Variants in BAAT observed in about 807,000 individuals in gnomAD.
BAAT encodes the protein bile acid-CoA:amino acid N-acyltransferase.
In BAAT, 13 loss-of-function variants were observed where a neutral mutation model predicts 18.9. The ratio of observed to expected loss-of-function variants is 0.69; its 90% CI spans 0.45 to 1.10. BAAT has a LOEUF of 1.10. BAAT is among the 50% of genes least tolerant of loss of function. BAAT has a pLI of 0.00. For synonymous variants in BAAT, 170 were observed against 190.7 expected (o/e 0.89, Z 0.89); for missense variants, 489 against 504.0 (o/e 0.97, Z 0.28).
At position 101,362,970 on chromosome 9, in the gene BAAT, G is replaced by A. The variant is rs754630331; in HGVS notation, c.715C>T (p.Gln239Ter). Residue 239 changes from glutamine to a stop codon, truncating the protein, a stop_gained, in exon 4 of 4, where the codon CAG (glutamine) becomes TAG (stop). Coordinates refer to ENST00000259407, the MANE Select transcript of BAAT (RefSeq NM_001701.4). LOFTEE classifies it low-confidence loss of function (END_TRUNC). ...TAAATAGCCATAGATAGTCCAATCT[G>A]TACTCCTTGACATACAGAGACTACC... Reference protein sequence around the residue: ...VGVVSVCQGVQIGLSMAIYLK... With the variant: ...VGVVSVCQGV 1 of 1,614,004 alleles carries A rather than the reference G, an allele frequency of 6.2e-7. No individual in the cohort carries two copies. Among genetic ancestry groups the A allele is most frequent in the South Asian group, 1.1e-5 (1 of 91,080 alleles).
intron 1 of BAAT, among the ~76,000 whole-genome samples, chr9:101,374,155 C>T (rs1177568761): frequency 6.6e-6 from 1 of 152,088 alleles, no homozygotes; most frequent in Non-Finnish European, 1.5e-5. Flanking sequence ...ACACTAGACT[C>T]AAGACTACAC....
rs963595661 is a variant in BAAT at position 101,367,189 on chromosome 9, T to C, written c.669+931A>G. 5.9e-5 allele frequency among the ~76,000 whole-genome samples: 9 copies of C among 151,286 alleles called. No homozygotes were observed. In the East Asian group the frequency reaches 1.6e-3, roughly 26 times the overall value. On this transcript the variant is annotated intron_variant, in intron 3 of 3. Transcript: ENST00000259407. ...AACAAGGTTTAATAAACTCCAACTC[T>C]ATCCCATATCATAGTAGCAAAGCAC...
Position 101,362,500 on chromosome 9 carries a change from CT to C in BAAT, c.1184del (p.Gln395ArgfsTer20). 6.2e-7 allele frequency: 1 copy of C among 1,614,080 alleles called. No individual in the cohort carries two copies. ...GGEVIPHAAA[Q>X]EHAWKEIQRF... ...TCTGGATCTCCTTCCAAGCATGTTC[CT>C]GTGCAGCTGCGTGTGGGATCACCTC... On this transcript the variant is annotated frameshift_variant, in exon 4 of 4. Transcript: ENST00000259407. LOFTEE classifies it high-confidence loss of function.
chr9:101,362,730 G>T lies in BAAT; in HGVS notation c.955C>A (p.Gln319Lys). 1 of 1,614,164 alleles carries T rather than the reference G, an allele frequency of 6.2e-7. No homozygotes were observed. Among genetic ancestry groups the T allele is most frequent in the Non-Finnish European group, 8.5e-7 (1 of 1,180,040 alleles). The stretch of plus-strand genomic sequence containing the variant: ...CCTTCTCCTACAATGAAGAGGAATT[G>T]CCCCTGGGCCTCTTCAATAGGAAAC... ...YLFPIEEAQG[Q>K]FLFIVGEGDK... Residue 319 changes from glutamine (Q) to lysine (K), a missense_variant, in exon 4 of 4, where the codon CAA becomes AAA. Coordinates refer to ENST00000259407, the MANE Select transcript of BAAT (RefSeq NM_001701.4).
At chr9:101,365,858 T>C (rs1829816940) in intron 3 of BAAT, among the ~76,000 whole-genome samples, 1 of 152,148 alleles carries the variant, frequency 6.6e-6, no homozygotes, top group South Asian at 2.1e-4. Context: ...AATTGACAAA[T>C]AATAATTATA....
At chr9:101,375,877 C>A in intron 1 of BAAT, 1 of 152,588 alleles carries the variant, frequency 6.6e-6, no homozygotes, top group South Asian at 2.1e-4. Flanking sequence ...ATTTTTCTCA[C>A]TCCGCAAATT....
chr9:101,378,520 A>G (rs548303069), intron 1 of BAAT, among the ~76,000 whole-genome samples: 39 of 152,360 alleles, frequency 2.6e-4, no homozygotes, highest in Non-Finnish European at 2.9e-5. Context: ...AAAACTGGCT[A>G]GCCATATGCA....
intron 2 of BAAT, among the ~76,000 whole-genome samples, chr9:101,370,415 A>C (rs982245469): frequency 2.0e-5 from 3 of 147,976 alleles, no homozygotes; most frequent in African/African-American, 7.6e-5. Flanking sequence ...GAGGCTCAAG[A>C]GATCTTTCCT....
At chr9:101,368,987 T>C (rs1290639929) in intron 2 of BAAT, among the ~76,000 whole-genome samples, 1 of 152,210 alleles carries the variant, frequency 6.6e-6, no homozygotes, top group Non-Finnish European at 1.5e-5. Context: ...TAAGCTTATG[T>C]AAATGATGAG....
intron 3 of BAAT, among the ~76,000 whole-genome samples, chr9:101,363,631 G>T (rs149212687): frequency 3.4e-3 from 502 of 148,682 alleles, no homozygotes; most frequent in African/African-American, 0.012. Context: ...ACTGCCAGAT[G>T]AAGACACAGG....
chr9:101,374,081 G>A (rs1303365344), intron 1 of BAAT, among the ~76,000 whole-genome samples: 1 of 152,076 alleles, frequency 6.6e-6, no homozygotes, highest in African/African-American at 2.4e-5. Flanking sequence ...CTATCAAAAT[G>A]TCTGAAGGAC....
At chr9:101,368,015 G>T in intron 3 of BAAT, 105 bp downstream of exon 3, 2 of 1,206,488 alleles carry the variant, frequency 1.7e-6, no homozygotes, top group African/African-American at 1.5e-5. Context: ...TCATGCCACT[G>T]CACTCCAGCC....
rs776238355 is a variant in BAAT, at chr9:101,370,965, A to T, written c.440T>A (p.Leu147His). Residue 147 changes from leucine to histidine, a missense_variant, in exon 2 of 4, where the codon CTT (leucine) becomes CAT (histidine). Transcript: ENST00000259407. Reference sequence around the variant, plus strand: ...TGGAGGGAGAAAGAGAGCTCCTCGAAGGCGGCCTTCTCGAACCTTAATTCG... The same window carrying T: ...TGGAGGGAGAAAGAGAGCTCCTCGATGGCGGCCTTCTCGAACCTTAATTCG... ...VTRIKVREGR[L>H]RGALFLPPGE... 6.2e-7 allele frequency: 1 copy of T among 1,614,136 alleles called. No individual in the cohort carries two copies. Among genetic ancestry groups the T allele is most frequent in the South Asian group, 1.1e-5 (1 of 91,078 alleles).
chr9:101,362,717 A>G lies in BAAT; in HGVS notation c.968T>C (p.Ile323Thr). 1.2e-6 allele frequency: 2 copies of G among 1,614,176 alleles called. No individual in the cohort carries two copies. ...IEEAQGQFLFIVGEGDKTINS... is the reference protein window; with the variant it reads ...IEEAQGQFLFTVGEGDKTINS... ...GATAGTCTTATCACCTTCTCCTACA[A>G]TGAAGAGGAATTGCCCCTGGGCCTC... The change falls in exon 4 of 4, where the codon ATT (isoleucine) becomes ACT (threonine). Residue 323 changes from isoleucine to threonine, a missense_variant. By Grantham distance (89) the Ile-to-Thr change is moderately conservative. Coordinates refer to ENST00000259407, the MANE Select transcript of BAAT (RefSeq NM_001701.4).
chr9:101,374,847 A>AG, intron 1 of BAAT, among the ~76,000 whole-genome samples: 1 of 152,230 alleles, frequency 6.6e-6, no homozygotes, highest in East Asian at 1.9e-4. Flanking sequence ...ATTTAAAAAA[A>AG]AAAACCTTCA....
intron 1 of BAAT, among the ~76,000 whole-genome samples, chr9:101,379,650 G>A (rs1455913264): frequency 6.6e-6 from 1 of 152,160 alleles, no homozygotes; most frequent in East Asian, 1.9e-4. Flanking sequence ...GTACACCCAT[G>A]ATTAGATTCT....
intron 3 of BAAT, among the ~76,000 whole-genome samples, chr9:101,365,964 A>T (rs1829819342): frequency 6.6e-6 from 1 of 152,200 alleles, no homozygotes; most frequent in South Asian, 2.1e-4. Flanking sequence ...TCACAAACTT[A>T]CCATTTCTTT....
At chr9:101,363,127 T>A in intron 3 of BAAT, 112 bp from the exon 4 acceptor site, 1 of 988,010 alleles carries the variant, frequency 1.0e-6, no homozygotes, top group African/African-American at 1.6e-5. Flanking sequence ...CAAGTATTAA[T>A]CCTACCCACA....
At chr9:101,364,615 G>A (rs956984248) in intron 3 of BAAT, among the ~76,000 whole-genome samples, 1 of 152,130 alleles carries the variant, frequency 6.6e-6, no homozygotes, top group Non-Finnish European at 1.5e-5. Context: ...TGAAGAGCAA[G>A]GCATTTAGAG....
Sources: allele counts gnomAD v4.1 joint callset (sites outside exome capture counted in the v4.1 genomes callset), GRCh38; gene constraint gnomAD v4.1.1; transcripts MANE v1.5; gene names NCBI Gene and HGNC (gene_info 2026-07-23, HGNC 2026-07-21).